Variants in ENTHD1 observed in about 807,000 individuals in gnomAD.
ENTHD1 encodes the protein ENTH domain containing 1.
ENTHD1 carries 23 observed loss-of-function variants against 39.1 expected under a neutral mutation model. The observed-to-expected ratio is 0.59, with a 90% CI of 0.42 to 0.83. The LOEUF (loss-of-function observed/expected upper bound fraction) is 0.83. Among genes scored for constraint, ENTHD1 ranks in the 40% least tolerant of loss-of-function variants. ENTHD1 has a pLI of 0.00. For missense variants in ENTHD1, 624 were observed against 705.4 expected, an observed-to-expected ratio of 0.88 and a Z score of 1.31; for synonymous variants, 230 against 258.2, an observed-to-expected ratio of 0.89 and a Z score of 1.05.
intron 6 of ENTHD1, among the ~76,000 whole-genome samples, chr22:39,763,323 T>A (rs1209811668): frequency 6.6e-6 from 1 of 152,192 alleles, no homozygotes; most frequent in Non-Finnish European, 1.5e-5. Context: ...TGGCATCTCA[T>A]CCTGAACGCA....
At position 39,844,569 on chromosome 22, in the gene ENTHD1, T is replaced by C. The variant is rs182944207; in HGVS notation, c.593-8611A>G. ...CATCACCCAGTACGCAATGAGGTTT[T>C]TTTAAAAAAGTCAATAGTAATCTAA... On this transcript the variant is annotated intron_variant, in intron 3 of 6. Transcript: ENST00000325157. Among the ~76,000 whole-genome samples the C allele has an allele frequency of 4.6e-5, 7 of 152,300 alleles. No individual in the cohort carries two copies. In the East Asian group the frequency reaches 1.3e-3, roughly 29 times the overall value.
chr22:39,798,428 G>T (rs960887370), intron 5 of ENTHD1, among the ~76,000 whole-genome samples: 2 of 152,054 alleles, frequency 1.3e-5, no homozygotes, highest in Non-Finnish European at 1.5e-5. Flanking sequence ...CTATGGTGTT[G>T]GTTGGGTAGG....
chr22:39,764,937 T>G (rs1345813586), intron 6 of ENTHD1, among the ~76,000 whole-genome samples: 1 of 152,112 alleles, frequency 6.6e-6, no homozygotes, highest in Non-Finnish European at 1.5e-5. Flanking sequence ...TACTTCACAC[T>G]AGTTCCTTCT....
intron 2 of ENTHD1, among the ~76,000 whole-genome samples, chr22:39,862,560 A>G (rs559147947): frequency 8.5e-4 from 129 of 151,096 alleles, no homozygotes; most frequent in African/African-American, 2.9e-3. Context: ...AAAAAAAAAA[A>G]AAAGAAAGAA....
At chr22:39,790,936 C>T (rs1452006531) in intron 5 of ENTHD1, among the ~76,000 whole-genome samples, 1 of 152,056 alleles carries the variant, frequency 6.6e-6, no homozygotes, top group Non-Finnish European at 1.5e-5. Context: ...CACACTGTCC[C>T]TTTATAATAT....
intron 5 of ENTHD1, among the ~76,000 whole-genome samples, chr22:39,811,484 T>C (rs1194194544): frequency 1.3e-5 from 2 of 152,136 alleles, no homozygotes; most frequent in African/African-American, 2.4e-5. Flanking sequence ...CACTAGGGCT[T>C]TGGAGTAAGG....
chr22:39,820,235 G>A (rs1370327075), intron 5 of ENTHD1, among the ~76,000 whole-genome samples: 1 of 152,166 alleles, frequency 6.6e-6, no homozygotes, highest in African/African-American at 2.4e-5. Flanking sequence ...AATGTGAGAT[G>A]CATGGTCCAA....
At chr22:39,877,312 G>A (rs909986107) in intron 2 of ENTHD1, among the ~76,000 whole-genome samples, 12 of 152,004 alleles carry the variant, frequency 7.9e-5, no homozygotes, top group Non-Finnish European at 1.0e-4. Flanking sequence ...ACTTAGAAAC[G>A]GATAAAAAAA....
intron 1 of ENTHD1, among the ~76,000 whole-genome samples, chr22:39,890,935 T>C (rs1293353857): frequency 2.6e-5 from 4 of 152,254 alleles, no homozygotes; most frequent in African/African-American, 9.6e-5. Context: ...GTAAATTATA[T>C]GTTGGTTTAT....
chr22:39,799,243 G>T (rs1371391222), intron 5 of ENTHD1, among the ~76,000 whole-genome samples: 1 of 152,220 alleles, frequency 6.6e-6, no homozygotes, highest in Non-Finnish European at 1.5e-5. Flanking sequence ...ATTGCGGGGA[G>T]GGGAGGGTGT....
At chr22:39,804,452 CA>C (rs541007024) in intron 5 of ENTHD1, among the ~76,000 whole-genome samples, 4,995 of 78,046 alleles carry the variant, frequency 0.064, 96 homozygotes, top group Middle Eastern at 0.14. Context: ...GACTCTGTCT[CA>C]AAAAAAAAAA....
intron 2 of ENTHD1, among the ~76,000 whole-genome samples, chr22:39,864,971 C>CA (rs1255682299): frequency 6.6e-6 from 1 of 152,164 alleles, no homozygotes; most frequent in Non-Finnish European, 1.5e-5. Context: ...TTCTTCTTGA[C>CA]ATAGTGTAAC....
intron 3 of ENTHD1, among the ~76,000 whole-genome samples, chr22:39,841,144 G>GC (rs2065941779): frequency 6.6e-6 from 1 of 152,144 alleles, no homozygotes. Flanking sequence ...TACAAAGAAT[G>GC]CCCATATGGT....
intron 1 of ENTHD1, among the ~76,000 whole-genome samples, chr22:39,891,862 C>CGCCT (rs1219138071): frequency 6.6e-6 from 1 of 151,954 alleles, no homozygotes; most frequent in Non-Finnish European, 1.5e-5. Context: ...TCAAGTGATC[C>CGCCT]GCCTGCCTCG....
intron 4 of ENTHD1, among the ~76,000 whole-genome samples, 188 bp downstream of exon 4, chr22:39,835,652 A>C (rs566336218): frequency 1.8e-3 from 267 of 152,302 alleles, no homozygotes; most frequent in South Asian, 5.4e-3. Flanking sequence ...TTTAAAAAAA[A>C]CCCAAAACAT....
chr22:39,836,815 G>A (rs6001693), intron 3 of ENTHD1, among the ~76,000 whole-genome samples: 28 of 152,144 alleles, frequency 1.8e-4, no homozygotes, highest in African/African-American at 6.7e-4. Context: ...AGCACCTCCC[G>A]CTTCGCTCTC....
chr22:39,806,128 C>T (rs1825760097), intron 5 of ENTHD1, among the ~76,000 whole-genome samples: 1 of 152,228 alleles, frequency 6.6e-6, no homozygotes, highest in African/African-American at 2.4e-5. Flanking sequence ...TCCTGCCACA[C>T]TACAGACAGA....
chr22:39,846,639 CT>C (rs1303226484), intron 3 of ENTHD1, among the ~76,000 whole-genome samples: 1 of 152,042 alleles, frequency 6.6e-6, no homozygotes, highest in Non-Finnish European at 1.5e-5. Context: ...TTAAGTCCTA[CT>C]CATCTGACAA....
intron 5 of ENTHD1, among the ~76,000 whole-genome samples, chr22:39,765,966 C>T (rs1427102478): frequency 8.7e-6 from 1 of 115,246 alleles, no homozygotes; most frequent in Non-Finnish European, 1.6e-5. Context: ...ACAAGATAAA[C>T]TAGGGAAAAT....
Sources: gnomAD v4.1 joint callset for allele counts (sites outside exome capture counted in the v4.1 genomes callset) on GRCh38, gnomAD v4.1.1 for gene constraint, MANE v1.5 for transcripts, NCBI Gene and HGNC (gene_info 2026-07-23, HGNC 2026-07-21) for gene names.